The following MYT1L variants were observed in gnomAD, a reference collection of about 807,000 sequenced individuals.
MYT1L encodes the protein myelin transcription factor 1-like protein.
Under a neutral mutation model 126.7 loss-of-function variants are expected in MYT1L, and 12 were observed. The observed-to-expected ratio is 0.09, with a 90% confidence interval of 0.06 to 0.15. MYT1L has a LOEUF of 0.15. Among genes scored for constraint, MYT1L ranks in the 10% least tolerant of loss-of-function variants. The probability of loss-of-function intolerance (pLI) is 1.00; values close to 1 mark genes in which losing one functional copy is unlikely to be tolerated. For missense variants in MYT1L, 979 were observed against 1,585.2 expected (o/e 0.62, Z 6.49); for synonymous variants, 541 against 604.2 (o/e 0.90, Z 1.53).
At chr2:1,831,755 G>A (rs1020973209) in intron 21 of MYT1L, among the ~76,000 whole-genome samples, 1 of 152,108 alleles carries the variant, frequency 6.6e-6, no homozygotes, top group African/African-American at 2.4e-5. Flanking sequence ...CTCCCCTAAT[G>A]CCACCATGCA....
At chr2:2,042,741 T>C (rs1381222907) in intron 4 of MYT1L, among the ~76,000 whole-genome samples, 6 of 152,154 alleles carry the variant, frequency 3.9e-5, no homozygotes, top group Non-Finnish European at 5.9e-5. Context: ...CTCTGCTCTA[T>C]CTGTTCCCAA....
At chr2:2,294,083 G>C (rs189555176) in intron 1 of MYT1L, among the ~76,000 whole-genome samples, 1 of 152,320 alleles carries the variant, frequency 6.6e-6, no homozygotes, top group Non-Finnish European at 1.5e-5. Context: ...GGTTCTAAAA[G>C]ATATCTTCAT....
chr2:2,277,663 T>A (rs1329299905), intron 2 of MYT1L, among the ~76,000 whole-genome samples: 1 of 152,216 alleles, frequency 6.6e-6, no homozygotes, highest in Non-Finnish European at 1.5e-5. Context: ...GGAAAAGAAA[T>A]AATTACAGGA....
intron 3 of MYT1L, among the ~76,000 whole-genome samples, chr2:2,140,222 TAAATA>T (rs1406868805): frequency 6.6e-6 from 1 of 152,138 alleles, no homozygotes; most frequent in African/African-American, 2.4e-5. Flanking sequence ...CAACTTAGAT[TAAATA>T]AAATGTTTTT....
chr2:2,200,201 TTGG>T (rs2093001180), intron 2 of MYT1L, among the ~76,000 whole-genome samples: 1 of 152,142 alleles, frequency 6.6e-6, no homozygotes, highest in African/African-American at 2.4e-5. Flanking sequence ...ATTTAGGTAC[TTGG>T]TGGGGGCTGC....
intron 3 of MYT1L, among the ~76,000 whole-genome samples, chr2:2,073,966 G>A (rs757642069): frequency 6.6e-5 from 10 of 152,134 alleles, no homozygotes; most frequent in South Asian, 2.1e-4. Context: ...GGAATTGCCC[G>A]TCTCACCCAC....
At chr2:2,293,663 C>G (rs892664891) in intron 1 of MYT1L, among the ~76,000 whole-genome samples, 1 of 152,190 alleles carries the variant, frequency 6.6e-6, no homozygotes, top group Non-Finnish European at 1.5e-5. Flanking sequence ...GTGCGCAGGG[C>G]CAAAGCTTCC....
At chr2:2,107,322 C>T (rs2078871088) in intron 3 of MYT1L, among the ~76,000 whole-genome samples, 2 of 152,216 alleles carry the variant, frequency 1.3e-5, no homozygotes, top group Admixed American at 6.5e-5. Context: ...CCACAGCCGA[C>T]CTTTGTGAAT....
chr2:1,902,493 G>A (rs1005209116), intron 14 of MYT1L, among the ~76,000 whole-genome samples: 5 of 152,210 alleles, frequency 3.3e-5, no homozygotes, highest in African/African-American at 4.8e-5. Context: ...CTGGCTACCC[G>A]GCAATCACTG....
At chr2:2,041,762 T>C (rs566473290) in intron 4 of MYT1L, among the ~76,000 whole-genome samples, 8 of 152,182 alleles carry the variant, frequency 5.3e-5, no homozygotes, top group African/African-American at 1.9e-4. Context: ...AAGCAGATGG[T>C]TTTAAAGTCA....
Position 1,922,530 on chromosome 2 carries a change from G to C in MYT1L, c.1239C>G (p.Thr413=). Residue 413 remains threonine (T), a synonymous_variant, in exon 10 of 25, where the codon ACC becomes ACG. Transcript: ENST00000647738. The surrounding 1 kb of genome is among the most constrained non-coding windows in gnomAD (Gnocchi z 7.4). The stretch of plus-strand genomic sequence containing the variant: ...CTTCAGACCTGTCCGAGTTCACAGA[G>C]GTGGTATCGTCGTCCCGCTCATGAC... ...DGCHERDDDT[T]SVNSDRSEEV... 2 of 1,613,968 alleles carry C rather than the reference G, an allele frequency of 1.2e-6. No individual in the cohort carries two copies. Among genetic ancestry groups the C allele is most frequent in the Non-Finnish European group, 1.7e-6 (2 of 1,179,898 alleles).
chr2:2,009,797 CAA>C (rs1164852033), intron 4 of MYT1L, among the ~76,000 whole-genome samples: 3 of 151,892 alleles, frequency 2.0e-5, no homozygotes, highest in Non-Finnish European at 4.4e-5. Flanking sequence ...ATCTTAGTGG[CAA>C]AGTTTCAGTT....
intron 1 of MYT1L, among the ~76,000 whole-genome samples, chr2:2,312,657 C>CT (rs2095993794): frequency 6.6e-6 from 1 of 152,184 alleles, no homozygotes; most frequent in Non-Finnish European, 1.5e-5. Flanking sequence ...TCACTAGTAG[C>CT]TTTTTTGACA....
At chr2:1,915,206 GA>G (rs767286764) in intron 11 of MYT1L, among the ~76,000 whole-genome samples, 74 of 150,410 alleles carry the variant, frequency 4.9e-4, no homozygotes, top group Admixed American at 8.6e-4. Flanking sequence ...AACTAGCCCA[GA>G]AAAAAAAAAT....
chr2:2,056,114 G>T (rs1450606309), intron 3 of MYT1L, among the ~76,000 whole-genome samples: 1 of 152,186 alleles, frequency 6.6e-6, no homozygotes, highest in Non-Finnish European at 1.5e-5. Context: ...TATTTGGAGC[G>T]TGCTCTGTTC....
At chr2:2,069,360 A>G (rs976937371) in intron 3 of MYT1L, among the ~76,000 whole-genome samples, 2 of 152,110 alleles carry the variant, frequency 1.3e-5, no homozygotes, top group East Asian at 3.9e-4. Flanking sequence ...GCTGAGAATG[A>G]TGGTTTCCAA....
At chr2:2,100,904 G>T (rs2077990467) in intron 3 of MYT1L, among the ~76,000 whole-genome samples, 1 of 152,100 alleles carries the variant, frequency 6.6e-6, no homozygotes, top group Non-Finnish European at 1.5e-5. Context: ...TCCACATTTT[G>T]ATGGTAAAAA....
chr2:2,274,016 A>G (rs1034643865), intron 2 of MYT1L, among the ~76,000 whole-genome samples: 2 of 152,222 alleles, frequency 1.3e-5, no homozygotes, highest in African/African-American at 2.4e-5. Flanking sequence ...AATTATCCAT[A>G]TGACACATTT....
At position 1,849,507 on chromosome 2, in the gene MYT1L, T is replaced by TC. The variant is rs2042942368; in HGVS notation, c.2774+2133dup. 2.0e-5 allele frequency among the ~76,000 whole-genome samples: 3 copies of TC among 152,114 alleles called. No individual in the cohort carries two copies. In the South Asian group the frequency reaches 6.2e-4, roughly 32 times the overall value. On this transcript the variant is annotated intron_variant, in intron 19 of 24. Transcript: ENST00000647738. ...TGCTGCCCTGGGTCTGTGGCAGTGG[T>TC]CCCCCCAGGGGACACTCAGCAGTGA...
Sources: allele counts gnomAD v4.1 joint callset (sites outside exome capture counted in the v4.1 genomes callset), GRCh38; gene constraint gnomAD v4.1.1; non-coding constraint Gnocchi (gnomAD v3.1); transcripts MANE v1.5; gene names NCBI Gene and HGNC (gene_info 2026-07-23, HGNC 2026-07-21).